ANXA3: variants seen among roughly 807,000 people sequenced by gnomAD.
ANXA3 encodes annexin A3.
Under a neutral mutation model 48.8 loss-of-function variants are expected in ANXA3, and 46 were observed. That is an observed-to-expected ratio of 0.94 (90% CI 0.74 to 1.21). ANXA3 has a LOEUF of 1.21. Among genes scored for constraint, ANXA3 ranks in the 50% most tolerant of loss-of-function variants. The pLI, the probability that ANXA3 is intolerant of heterozygous loss-of-function variation, is 0.00. For synonymous variants in ANXA3, 128 were observed against 134.7 expected (o/e 0.95, Z 0.35); for missense variants, 383 against 378.6 (o/e 1.01, Z -0.10).
At chr4:78,553,590 T>G (rs571931325) in intron 1 of ANXA3, among the ~76,000 whole-genome samples, 22 of 152,334 alleles carry the variant, frequency 1.4e-4, no homozygotes, top group African/African-American at 4.6e-4. Flanking sequence ...CTGTAACCCC[T>G]CATAAGTCAA....
chr4:78,583,483 G>T (rs939246894), intron 5 of ANXA3, among the ~76,000 whole-genome samples: 3 of 151,822 alleles, frequency 2.0e-5, no homozygotes, highest in Admixed American at 6.6e-5. Flanking sequence ...AATTAGCCAG[G>T]CATGGTGGCT....
At chr4:78,584,358 G>A (rs572930230) in intron 5 of ANXA3, among the ~76,000 whole-genome samples, 52 of 147,746 alleles carry the variant, frequency 3.5e-4, no homozygotes, top group Non-Finnish European at 6.0e-4. Flanking sequence ...TTTTTTTTTT[G>A]TAGAGACAGG....
intron 2 of ANXA3, among the ~76,000 whole-genome samples, chr4:78,569,020 T>C (rs551618634): frequency 2.0e-5 from 3 of 152,348 alleles, no homozygotes; most frequent in South Asian, 2.1e-4. Flanking sequence ...ATTGCAAGGA[T>C]TGAATAAGCA....
At chr4:78,586,787 T>C (rs1259942699) in intron 6 of ANXA3, among the ~76,000 whole-genome samples, 1 of 152,226 alleles carries the variant, frequency 6.6e-6, no homozygotes, top group Admixed American at 6.5e-5. Context: ...AAAGACCTAA[T>C]AGTCTGCTGG....
chr4:78,605,885 G>A (rs985539662), intron 12 of ANXA3, among the ~76,000 whole-genome samples: 1 of 152,274 alleles, frequency 6.6e-6, no homozygotes, highest in Non-Finnish European at 1.5e-5. Flanking sequence ...CCAACAGGAA[G>A]ATGGCAACTA....
chr4:78,604,201 T>G, intron 11 of ANXA3, 76 bp from the exon 12 acceptor site: 1 of 1,365,192 alleles, frequency 7.3e-7, no homozygotes, highest in Non-Finnish European at 9.9e-7. Flanking sequence ...CATTATCTGA[T>G]TCTTATAAAT....
chr4:78,565,434 G>A (rs1037631565), intron 2 of ANXA3, among the ~76,000 whole-genome samples: 18 of 152,218 alleles, frequency 1.2e-4, no homozygotes, highest in African/African-American at 4.3e-4. Flanking sequence ...ACCTGGGGAG[G>A]AGCGCCCATG....
intron 2 of ANXA3, among the ~76,000 whole-genome samples, chr4:78,568,240 G>T (rs1052463501): frequency 2.0e-5 from 3 of 152,128 alleles, no homozygotes; most frequent in African/African-American, 7.2e-5. Context: ...ACTTTCTTTG[G>T]TTTTGAAAAA....
intron 2 of ANXA3, among the ~76,000 whole-genome samples, chr4:78,558,211 G>A (rs1449744543): frequency 2.0e-5 from 3 of 152,212 alleles, no homozygotes; most frequent in African/African-American, 7.2e-5. Context: ...AACAGAAGGA[G>A]ACTGGTCGTT....
intron 2 of ANXA3, among the ~76,000 whole-genome samples, chr4:78,569,149 T>G (rs979974752): frequency 6.6e-6 from 1 of 152,202 alleles, no homozygotes; most frequent in Non-Finnish European, 1.5e-5. Context: ...CTTTAATTTG[T>G]TTTCCAACTG....
In ANXA3 at chr4:78,573,392, G is replaced by C. The variant is rs80154329; in HGVS notation, c.103+125G>C. ...AAATTGTCAGGAATTTTCTAAAATT[G>C]TGAAATAACGAGGAAATATATAGAG... On this transcript the variant is annotated intron_variant, in intron 3 of 12. Coordinates refer to ENST00000264908, the MANE Select transcript of ANXA3 (RefSeq NM_005139.3). 2.8e-3 allele frequency: 1,887 copies of C among 670,486 alleles called. 28 individuals are homozygous for C. In the African/African-American group the frequency reaches 0.03, roughly 11 times the overall value. The allele number at this position is 670,486 out of a possible 1,614,324, so 41.5% of individuals were successfully genotyped here. A position where few individuals can be genotyped will look rare whatever the true frequency, so the allele number is the denominator to read the frequency against.
At chr4:78,575,731 T>G (rs1319762875) in intron 3 of ANXA3, among the ~76,000 whole-genome samples, 1 of 152,234 alleles carries the variant, frequency 6.6e-6, no homozygotes, top group Non-Finnish European at 1.5e-5. Context: ...AGTTTTAAAT[T>G]TTAGTGAAAT....
At chr4:78,600,997 A>C (rs1466764) in intron 10 of ANXA3, among the ~76,000 whole-genome samples, 4,354 of 152,156 alleles carry the variant, frequency 0.029, 220 homozygotes, top group African/African-American at 0.099. Flanking sequence ...AGTCACTCTA[A>C]CCAGCCTATA....
chr4:78,582,193 T>A lies in ANXA3; in HGVS notation c.215T>A (p.Leu72Ter). The A allele has an allele frequency of 6.2e-7, 1 of 1,612,526 alleles. No homozygotes were observed. The highest frequency in any genetic ancestry group is 8.5e-7 in the Non-Finnish European group (1 of 1,178,656). ...AAYGKELKDD[L>*]KGDLSGHFEH... ...TGATTTTAGGAGCTGAAAGATGACT[T>A]GAAGGGTGATCTCTCTGGCCACTTT... Residue 72 changes from leucine (L) to a stop codon, truncating the protein, a stop_gained, in exon 5 of 13, where the codon TTG becomes TAG. Transcript: ENST00000264908. LOFTEE classifies it high-confidence loss of function.
At chr4:78,576,641 G>A (rs1398029180) in intron 3 of ANXA3, among the ~76,000 whole-genome samples, 1 of 152,020 alleles carries the variant, frequency 6.6e-6, no homozygotes, top group African/African-American at 2.4e-5. Flanking sequence ...TGTTTCATGA[G>A]GTTAATAGTC....
At chr4:78,606,151 G>A (rs1723641533) in intron 12 of ANXA3, among the ~76,000 whole-genome samples, 1 of 152,244 alleles carries the variant, frequency 6.6e-6, no homozygotes, top group African/African-American at 2.4e-5. Flanking sequence ...AGGACTTGCA[G>A]GCTATGCAGA....
chr4:78,599,615 G>A (rs1723495602), intron 10 of ANXA3, among the ~76,000 whole-genome samples: 2 of 152,206 alleles, frequency 1.3e-5, no homozygotes, highest in African/African-American at 4.8e-5. Context: ...AGAGGCTGAG[G>A]CAGGAGGATC....
intron 2 of ANXA3, among the ~76,000 whole-genome samples, chr4:78,559,036 A>T (rs1244608709): frequency 6.6e-6 from 1 of 151,994 alleles, no homozygotes; most frequent in Non-Finnish European, 1.5e-5. Context: ...ATTAGTTTGA[A>T]CTCTCAAATT....
chr4:78,579,476 AG>A (rs1449365337), intron 4 of ANXA3, among the ~76,000 whole-genome samples: 1 of 152,222 alleles, frequency 6.6e-6, no homozygotes, highest in African/African-American at 2.4e-5. Context: ...AGCATGTAGT[AG>A]GCATAGGTCA....
Sources: allele counts gnomAD v4.1 joint callset (sites outside exome capture counted in the v4.1 genomes callset), GRCh38; gene constraint gnomAD v4.1.1; transcripts MANE v1.5; gene names NCBI Gene and HGNC (gene_info 2026-07-23, HGNC 2026-07-21).